The following PHLPP1 variants were observed in gnomAD, a reference collection of about 807,000 sequenced individuals.
The protein encoded by PHLPP1 is PH domain leucine-rich repeat-containing protein phosphatase 1.
Under a neutral mutation model 117.2 loss-of-function variants are expected in PHLPP1, and 42 were observed. The ratio of observed to expected loss-of-function variants is 0.36; its 90% CI spans 0.28 to 0.46. The LOEUF is 0.46. Ranked by LOEUF, PHLPP1 falls within the 20% of genes least tolerant of loss-of-function variation. The pLI is 1.00. For missense variants in PHLPP1, 2,084 were observed against 2,241.9 expected, an observed-to-expected ratio of 0.93 and a Z score of 1.42; for synonymous variants, 1,042 against 970.7, an observed-to-expected ratio of 1.07 and a Z score of -1.37.
At chr18:62,872,408 A>G (rs1045915009) in intron 4 of PHLPP1, among the ~76,000 whole-genome samples, 10 of 151,968 alleles carry the variant, frequency 6.6e-5, no homozygotes, top group African/African-American at 2.4e-4. Context: ...AGGGGAGGTC[A>G]GAGGCCAGAT....
chr18:62,956,096 A>G lies in PHLPP1; in HGVS notation c.3325-2533A>G, dbSNP rs546701586. Among the ~76,000 whole-genome samples, 8 of 152,370 alleles carry G rather than the reference A, an allele frequency of 5.3e-5. No individual in the cohort carries two copies. In the East Asian group the frequency reaches 1.5e-3, roughly 29 times the overall value. On this transcript the variant is annotated intron_variant, in intron 12 of 16. Transcript: ENST00000262719. Reference sequence around the variant, plus strand: ...TCCAATATTTAGGTTAAGTAAATTAATGTACATCTACTAGAATTAGTATGG... The same window carrying G: ...TCCAATATTTAGGTTAAGTAAATTAGTGTACATCTACTAGAATTAGTATGG...
intron 1 of PHLPP1, among the ~76,000 whole-genome samples, chr18:62,790,216 G>A (rs1161321441): frequency 6.6e-6 from 1 of 152,150 alleles, no homozygotes; most frequent in Non-Finnish European, 1.5e-5. Flanking sequence ...ACAACCTTGG[G>A]CCAGGAGGCT....
At chr18:62,892,600 G>A (rs1273189658) in intron 4 of PHLPP1, among the ~76,000 whole-genome samples, 2 of 151,996 alleles carry the variant, frequency 1.3e-5, no homozygotes, top group Non-Finnish European at 2.9e-5. Flanking sequence ...TGAACAGCCA[G>A]GTGCGGTGGC....
At chr18:62,916,705 AT>A in intron 9 of PHLPP1, among the ~76,000 whole-genome samples, 1 of 141,256 alleles carries the variant, frequency 7.1e-6, no homozygotes, top group African/African-American at 2.6e-5. Flanking sequence ...GTTGAAAAAA[AT>A]TTTTTACCTT....
intron 1 of PHLPP1, among the ~76,000 whole-genome samples, chr18:62,805,661 T>C (rs1460037975): frequency 6.6e-6 from 1 of 152,178 alleles, no homozygotes. Flanking sequence ...ATGCCCGACC[T>C]TTTTCCACTG....
chr18:62,826,460 A>T (rs1279056695), intron 1 of PHLPP1, among the ~76,000 whole-genome samples: 1 of 152,190 alleles, frequency 6.6e-6, no homozygotes, highest in Non-Finnish European at 1.5e-5. Flanking sequence ...AGTGATACTA[A>T]TATACGTGGT....
At chr18:62,937,022 C>G (rs776761276) in intron 10 of PHLPP1, among the ~76,000 whole-genome samples, 1 of 152,120 alleles carries the variant, frequency 6.6e-6, no homozygotes, top group South Asian at 2.1e-4. Flanking sequence ...GTATATAAGT[C>G]CCAGTACAGA....
intron 1 of PHLPP1, among the ~76,000 whole-genome samples, chr18:62,796,307 CCAT>C (rs1000758286): frequency 6.6e-6 from 1 of 152,094 alleles, no homozygotes; most frequent in African/African-American, 2.4e-5. Context: ...ATTGTTTTTA[CCAT>C]TTTACAGGGA....
rs765780215 is a variant in PHLPP1 at position 62,941,698 on chromosome 18, G to C, written c.2961-20G>C. 3.1e-6 allele frequency: 5 copies of C among 1,591,682 alleles called. No individual in the cohort carries two copies. The highest frequency in any genetic ancestry group is 4.3e-6 in the Non-Finnish European group (5 of 1,163,730). ...TTTTGTGACTTTTCAATGGCATTTT[G>C]TTGCGTTTTGTCATTGTAGCCTGAG... On this transcript the variant is annotated intron_variant, in intron 10 of 16. Transcript: ENST00000262719.
intron 1 of PHLPP1, among the ~76,000 whole-genome samples, chr18:62,726,758 A>G (rs1474627010): frequency 6.7e-6 from 1 of 150,196 alleles, no homozygotes; most frequent in Admixed American, 6.6e-5. Flanking sequence ...TAACTTTTGT[A>G]TTTTTAGTAG....
chr18:62,846,209 CAAAAA>C (rs34577472), intron 3 of PHLPP1, among the ~76,000 whole-genome samples: 2 of 78,674 alleles, frequency 2.5e-5, no homozygotes, highest in Non-Finnish European at 4.7e-5. Context: ...AACTCCATCT[CAAAAA>C]AAAAAAAAAA....
intron 1 of PHLPP1, among the ~76,000 whole-genome samples, chr18:62,816,499 G>A (rs1330020078): frequency 2.2e-4 from 33 of 152,226 alleles, no homozygotes; most frequent in African/African-American, 7.9e-4. Context: ...CCTGGGAGGC[G>A]GAGGTTGCAG....
At chr18:62,726,677 G>T (rs1185764411) in intron 1 of PHLPP1, among the ~76,000 whole-genome samples, 2 of 143,728 alleles carry the variant, frequency 1.4e-5, no homozygotes, top group African/African-American at 2.6e-5. Context: ...TCTGCCTCCC[G>T]GGTTCATGCG....
chr18:62,742,473 G>T (rs1911557157), intron 1 of PHLPP1, among the ~76,000 whole-genome samples: 1 of 151,582 alleles, frequency 6.6e-6, no homozygotes. Context: ...TTGCTCTGTC[G>T]CCCAGGCTGG....
chr18:62,770,089 G>A (rs865984687), intron 1 of PHLPP1, among the ~76,000 whole-genome samples: 9 of 151,864 alleles, frequency 5.9e-5, no homozygotes, highest in Non-Finnish European at 1.0e-4. Context: ...TTTCCTACTA[G>A]TCTTTTTATT....
chr18:62,871,831 G>A (rs1915911678), intron 4 of PHLPP1, among the ~76,000 whole-genome samples: 1 of 151,778 alleles, frequency 6.6e-6, no homozygotes, highest in Admixed American at 6.6e-5. Flanking sequence ...TTTTAGTAGA[G>A]ATGGGGTTTC....
intron 1 of PHLPP1, among the ~76,000 whole-genome samples, chr18:62,740,832 C>T (rs1423689718): frequency 1.3e-5 from 2 of 152,128 alleles, no homozygotes; most frequent in Non-Finnish European, 2.9e-5. Context: ...ACTAGCCAGG[C>T]GTGGTGGTGC....
intron 12 of PHLPP1, among the ~76,000 whole-genome samples, chr18:62,945,886 G>T (rs965659325): frequency 2.0e-4 from 30 of 152,232 alleles, no homozygotes; most frequent in Non-Finnish European, 1.5e-4. Context: ...AGCAGAGGTA[G>T]TCTGCAAATC....
chr18:62,795,150 G>T (rs1234281971), intron 1 of PHLPP1, among the ~76,000 whole-genome samples: 3 of 152,072 alleles, frequency 2.0e-5, no homozygotes, highest in South Asian at 2.1e-4. Context: ...TTCTTAATTG[G>T]TTTTTTACAA....
Sources: allele counts gnomAD v4.1 joint callset (sites outside exome capture counted in the v4.1 genomes callset), GRCh38; gene constraint gnomAD v4.1.1; transcripts MANE v1.5; gene names NCBI Gene and HGNC (gene_info 2026-07-23, HGNC 2026-07-21).